RBFOX1: variants seen among roughly 807,000 people sequenced by gnomAD.
RBFOX1 encodes RNA binding protein fox-1 homolog 1.
In RBFOX1, 8 loss-of-function variants were observed where a neutral mutation model predicts 57.7. The observed-to-expected ratio is 0.14, with a 90% CI of 0.08 to 0.25. The LOEUF (loss-of-function observed/expected upper bound fraction) is 0.25, where lower values mean the gene tolerates loss of function less well. Among genes scored for constraint, RBFOX1 ranks in the 10% least tolerant of loss-of-function variants. The probability of loss-of-function intolerance (pLI) is 1.00; values close to 1 mark genes in which losing one functional copy is unlikely to be tolerated. For synonymous variants in RBFOX1, 326 were observed against 222.4 expected (o/e 1.47, Z -4.15); for missense variants, 611 against 548.5 (o/e 1.11, Z -1.14).
chr16:6,827,017 T>C (rs2092238281), intron 3 of RBFOX1, among the ~76,000 whole-genome samples: 1 of 152,130 alleles, frequency 6.6e-6, no homozygotes, highest in Admixed American at 6.5e-5. Context: ...AAACTAACTT[T>C]TTAGTCTGGG....
rs150938960 is a variant in RBFOX1 at position 5,286,763 on chromosome 16, C to T, written c.219+46658C>T. On this transcript the variant is annotated intron_variant, in intron 1 of 2. Transcript: ENST00000585867. ...ATTTTAGGCTTTTGGTCTAGATAACCTCTGTTGCAGTGAAGCAGTGGTACC... is the reference window on the plus strand; with the variant it reads ...ATTTTAGGCTTTTGGTCTAGATAACTTCTGTTGCAGTGAAGCAGTGGTACC... Among the ~76,000 whole-genome samples the T allele has an allele frequency of 7.4e-3, 1,129 of 152,284 alleles. 10 individuals carry two copies. Among genetic ancestry groups the T allele is most frequent in the African/African-American group, 0.023 (967 of 41,554 alleles).
intron 2 of RBFOX1, among the ~76,000 whole-genome samples, chr16:6,503,051 A>C (rs2095984062): frequency 6.6e-6 from 1 of 152,216 alleles, no homozygotes; most frequent in Admixed American, 6.5e-5. Context: ...ATATGTATTT[A>C]TAAAGATTTA....
intron 2 of RBFOX1, among the ~76,000 whole-genome samples, chr16:5,593,346 TG>T (rs2047072719): frequency 9.9e-6 from 1 of 101,190 alleles, no homozygotes; most frequent in Non-Finnish European, 2.0e-5. Flanking sequence ...TGTCAGAGGG[TG>T]GGGGGTTAGG....
intron 4 of RBFOX1, among the ~76,000 whole-genome samples, chr16:5,934,212 G>T (rs1396119898): frequency 6.6e-6 from 1 of 152,234 alleles, no homozygotes; most frequent in Non-Finnish European, 1.5e-5. Context: ...ATCCTGTAGG[G>T]AGAAAGGCCC....
chr16:7,657,793 G>T (rs1320495175), intron 12 of RBFOX1, among the ~76,000 whole-genome samples: 3 of 152,106 alleles, frequency 2.0e-5, no homozygotes, highest in Non-Finnish European at 4.4e-5. Flanking sequence ...GTGGACCATG[G>T]TGGGATCATA....
intron 1 of RBFOX1, among the ~76,000 whole-genome samples, chr16:5,437,738 G>T (rs1475853750): frequency 6.6e-6 from 1 of 152,172 alleles, no homozygotes; most frequent in African/African-American, 2.4e-5. Flanking sequence ...TGCAATGGCT[G>T]TGCCTGGATA....
chr16:7,091,899 G>A (rs1350277721), intron 4 of RBFOX1, among the ~76,000 whole-genome samples: 1 of 152,162 alleles, frequency 6.6e-6, no homozygotes, highest in Non-Finnish European at 1.5e-5. Flanking sequence ...TATTGTCTTG[G>A]ATCATCATGC....
At position 7,415,959 on chromosome 16, in the gene RBFOX1, A is replaced by G. The variant is rs144466295; in HGVS notation, c.28-102188A>G. ...AGTGGTTTAGGAGAAAAAAAAATCA[A>G]GTGAAACTTAGGACTGTCTTCTCTC... On this transcript the variant is annotated intron_variant, in intron 4 of 15. Transcript: ENST00000550418. Among the ~76,000 whole-genome samples the G allele has an allele frequency of 1.7e-3, 252 of 152,288 alleles. 2 individuals carry two copies. Among genetic ancestry groups the G allele is most frequent in the African/African-American group, 5.7e-3 (235 of 41,562 alleles).
chr16:6,415,871 A>T (rs2093611233), intron 2 of RBFOX1, among the ~76,000 whole-genome samples: 1 of 152,192 alleles, frequency 6.6e-6, no homozygotes, highest in Admixed American at 6.5e-5. Flanking sequence ...AAAAATAAGA[A>T]ACATTTTCTG....
intron 2 of RBFOX1, among the ~76,000 whole-genome samples, chr16:6,346,389 C>T (rs537663291): frequency 2.0e-5 from 3 of 152,240 alleles, no homozygotes; most frequent in African/African-American, 7.2e-5. Context: ...TAAGTGAAAG[C>T]CTAACTTGGG....
chr16:5,707,734 A>G (rs1346078533), intron 3 of RBFOX1, among the ~76,000 whole-genome samples: 1 of 152,198 alleles, frequency 6.6e-6, no homozygotes, highest in Non-Finnish European at 1.5e-5. Flanking sequence ...AATGATACTA[A>G]TACCTTATTG....
At position 7,058,410 on chromosome 16, in the gene RBFOX1, A is replaced by G. The variant is rs1162756722; in HGVS notation, c.27+6312A>G. ...TGCACTTTGAAAACATTGTTTGCAA[A>G]ATACACTATTAAGAATCAGGGGCCT... is the stretch of plus-strand genomic sequence containing the variant. On this transcript the variant is annotated intron_variant, in intron 4 of 15. Transcript: ENST00000550418. Among the ~76,000 whole-genome samples, 3 of 152,298 alleles carry G rather than the reference A, an allele frequency of 2.0e-5. No homozygotes were observed. In the East Asian group the frequency reaches 5.8e-4, roughly 29 times the overall value.
intron 3 of RBFOX1, among the ~76,000 whole-genome samples, chr16:7,006,076 C>T (rs896300398): frequency 6.6e-6 from 1 of 152,132 alleles, no homozygotes; most frequent in African/African-American, 2.4e-5. Context: ...GGTAGTAAAC[C>T]CTACTTTGTT....
chr16:5,461,824 C>G (rs1478867454), intron 1 of RBFOX1, among the ~76,000 whole-genome samples: 1 of 152,166 alleles, frequency 6.6e-6, no homozygotes. Flanking sequence ...CATTAATTGT[C>G]TTTCTGAGAA....
chr16:6,009,556 A>T (rs2094947741), intron 4 of RBFOX1, among the ~76,000 whole-genome samples: 1 of 152,130 alleles, frequency 6.6e-6, no homozygotes, highest in African/African-American at 2.4e-5. Flanking sequence ...TATGGTGCAT[A>T]ATCAGTGCTT....
chr16:7,250,451 AAG>A (rs745654278), intron 4 of RBFOX1, among the ~76,000 whole-genome samples: 9 of 151,834 alleles, frequency 5.9e-5, no homozygotes, highest in East Asian at 3.9e-4. Context: ...AGTGAACCAC[AAG>A]AGTTTCCTGC....
intron 1 of RBFOX1, among the ~76,000 whole-genome samples, chr16:6,244,579 C>G (rs2097558678): frequency 1.3e-5 from 2 of 152,196 alleles, no homozygotes; most frequent in South Asian, 2.1e-4. Flanking sequence ...TCTCAGCTCA[C>G]TGCAATGTTC....
At chr16:5,258,922 AAAG>A (rs1470982848) in intron 1 of RBFOX1, among the ~76,000 whole-genome samples, 3 of 151,968 alleles carry the variant, frequency 2.0e-5, no homozygotes, top group Non-Finnish European at 2.9e-5. Context: ...GAAAAAAAAA[AAAG>A]AAGTCTCTCA....
chr16:7,563,700 C>T (rs189910052), intron 5 of RBFOX1, among the ~76,000 whole-genome samples: 1 of 152,224 alleles, frequency 6.6e-6, no homozygotes, highest in African/African-American at 2.4e-5. Context: ...CAACTCCTGA[C>T]CTCGTGATCC....
Sources: allele counts gnomAD v4.1 joint callset (sites outside exome capture counted in the v4.1 genomes callset), GRCh38; gene constraint gnomAD v4.1.1; transcripts MANE v1.5; gene names NCBI Gene and HGNC (gene_info 2026-07-23, HGNC 2026-07-21).